The following TRERF1 variants were observed in gnomAD, a reference collection of about 807,000 sequenced individuals.
TRERF1 encodes the protein transcriptional-regulating factor 1.
A neutral mutation model predicts 122.9 loss-of-function variants in TRERF1; 27 were observed. That is an observed-to-expected ratio of 0.22 (90% confidence interval 0.16 to 0.30). TRERF1 has a LOEUF of 0.30. Among genes scored for constraint, TRERF1 ranks in the 10% least tolerant of loss-of-function variants. The pLI, the probability that TRERF1 is intolerant of heterozygous loss-of-function variation, is 1.00. For missense variants in TRERF1, 1,248 were observed against 1,560.3 expected, an observed-to-expected ratio of 0.80 and a Z score of 3.37; for synonymous variants, 636 against 641.7, an observed-to-expected ratio of 0.99 and a Z score of 0.13.
intron 3 of TRERF1, among the ~76,000 whole-genome samples, chr6:42,340,271 G>A (rs1193662430): frequency 6.6e-6 from 1 of 152,146 alleles, no homozygotes; most frequent in African/African-American, 2.4e-5. Flanking sequence ...CATAAGGAGT[G>A]TGGAGTGACA....
intron 2 of TRERF1, among the ~76,000 whole-genome samples, chr6:42,402,867 C>A (rs775718249): frequency 2.4e-4 from 36 of 152,016 alleles, no homozygotes; most frequent in Non-Finnish European, 4.1e-4. Flanking sequence ...AAAACTGACG[C>A]TAGGAGAGGT....
Position 42,232,789 on chromosome 6 carries a change from G to C in TRERF1, c.3170C>G (p.Pro1057Arg). 6.2e-7 allele frequency: 1 copy of C among 1,613,452 alleles called. No homozygotes were observed. Reference sequence around the variant, plus strand: ...ACAGTACCCACTCTGGGTGCCACCAGGCTTCTGCTTCCCAGAGGGGATGGC... The same window carrying C: ...ACAGTACCCACTCTGGGTGCCACCACGCTTCTGCTTCCCAGAGGGGATGGC... The change falls in exon 17 of 18, where the codon CCT (proline) becomes CGT (arginine). Residue 1057 changes from proline to arginine, a missense_variant. By Grantham distance (103) the Pro-to-Arg change is moderately radical (BLOSUM62 -2). Coordinates refer to ENST00000372922, the Ensembl canonical transcript of TRERF1. The surrounding 1 kb of genome is among the most constrained non-coding windows in gnomAD (Gnocchi z 4.5).
At chr6:42,279,899 T>G (rs73733143) in intron 4 of TRERF1, among the ~76,000 whole-genome samples, 2,124 of 152,134 alleles carry the variant, frequency 0.014, 45 homozygotes, top group African/African-American at 0.047. Flanking sequence ...GGACAACCAC[T>G]CCCCTTTTTT....
At chr6:42,424,785 T>C (rs1230270793) in intron 2 of TRERF1, among the ~76,000 whole-genome samples, 1 of 152,246 alleles carries the variant, frequency 6.6e-6, no homozygotes, top group African/African-American at 2.4e-5. Flanking sequence ...TGTCTCATCA[T>C]AAAAAGAGAT....
chr6:42,334,909 C>T (rs2150619207), intron 3 of TRERF1, among the ~76,000 whole-genome samples: 1 of 152,358 alleles, frequency 6.6e-6, no homozygotes, highest in South Asian at 2.1e-4. Flanking sequence ...TCCTGGCTCA[C>T]TGAGCTTCAT....
At chr6:42,402,993 G>A (rs1004863508) in intron 2 of TRERF1, among the ~76,000 whole-genome samples, 2 of 152,128 alleles carry the variant, frequency 1.3e-5, no homozygotes, top group African/African-American at 2.4e-5. Flanking sequence ...AAAGAGAGAG[G>A]AGCGAGGTCC....
intron 3 of TRERF1, among the ~76,000 whole-genome samples, chr6:42,321,971 T>C (rs937718898): frequency 7.2e-5 from 11 of 152,206 alleles, no homozygotes; most frequent in Non-Finnish European, 1.6e-4. Context: ...AAAGACTGAA[T>C]GGCAGCTACA....
At chr6:42,443,251 T>C (rs1786853913) in intron 2 of TRERF1, among the ~76,000 whole-genome samples, 1 of 152,150 alleles carries the variant, frequency 6.6e-6, no homozygotes, top group African/African-American at 2.4e-5. Context: ...TACAAGAGAG[T>C]TCATTATACT....
intron 4 of TRERF1, among the ~76,000 whole-genome samples, chr6:42,298,518 A>G (rs1389972050): frequency 1.3e-5 from 2 of 151,058 alleles, no homozygotes; most frequent in Admixed American, 1.3e-4. Flanking sequence ...TGAAAACGTA[A>G]AATAGGTTGA....
chr6:42,376,744 T>A (rs1393010094), intron 2 of TRERF1, among the ~76,000 whole-genome samples: 2 of 149,132 alleles, frequency 1.3e-5, no homozygotes, highest in East Asian at 4.0e-4. Flanking sequence ...GGTTTCACCA[T>A]GTTGGCCTGG....
chr6:42,335,730 C>T (rs567126495), intron 3 of TRERF1, among the ~76,000 whole-genome samples: 16 of 152,302 alleles, frequency 1.1e-4, no homozygotes, highest in African/African-American at 3.4e-4. Flanking sequence ...GCACCTGGTC[C>T]AACTCTAGCT....
intron 3 of TRERF1, among the ~76,000 whole-genome samples, chr6:42,354,071 G>C (rs140425139): frequency 4.1e-4 from 62 of 152,346 alleles, no homozygotes; most frequent in African/African-American, 1.4e-3. Context: ...GGGTCTCAGT[G>C]TAAGAGCTGG....
chr6:42,378,758 G>A (rs933180400), intron 2 of TRERF1, among the ~76,000 whole-genome samples: 3 of 152,166 alleles, frequency 2.0e-5, no homozygotes, highest in Non-Finnish European at 4.4e-5. Flanking sequence ...AAAGGGGCAG[G>A]ACCTAAACCT....
chr6:42,436,652 A>T (rs1785412794), intron 2 of TRERF1, among the ~76,000 whole-genome samples: 1 of 151,674 alleles, frequency 6.6e-6, no homozygotes, highest in African/African-American at 2.4e-5. Context: ...TAATCACTAG[A>T]CTTTACTGCC....
chr6:42,340,033 G>A (rs1047340249), intron 3 of TRERF1, among the ~76,000 whole-genome samples: 8 of 152,102 alleles, frequency 5.3e-5, no homozygotes, highest in African/African-American at 9.7e-5. Flanking sequence ...ATGGCACCAC[G>A]TCTTTCCACC....
chr6:42,338,536 A>C (rs1031486519), intron 3 of TRERF1, among the ~76,000 whole-genome samples: 1 of 152,228 alleles, frequency 6.6e-6, no homozygotes, highest in South Asian at 2.1e-4. Context: ...GAAATTAACA[A>C]GCACTCTCCT....
chr6:42,422,458 C>A (rs1426512258), intron 2 of TRERF1, among the ~76,000 whole-genome samples: 1 of 141,760 alleles, frequency 7.1e-6, no homozygotes, highest in East Asian at 2.1e-4. Context: ...GCGAAGGTTG[C>A]AGTGAGCCGA....
chr6:42,334,658 TG>T (rs1765824302), intron 3 of TRERF1, among the ~76,000 whole-genome samples: 1 of 152,184 alleles, frequency 6.6e-6, no homozygotes, highest in Non-Finnish European at 1.5e-5. Flanking sequence ...GAACATGGCA[TG>T]GCTCTGCTTA....
Position 42,246,546 on chromosome 6 carries a change from TACA to T in TRERF1, c.2657-5_2657-3del. ...CTAGGGAGGTCCACTTGTCCGAACC[TACA>T]ACAAAACACAAACATCATAAGAACA... On this transcript the variant is annotated splice_region_variant and splice_polypyrimidine_tract_variant and intron_variant, in intron 13 of 17. Transcript: ENST00000372922. 1 of 1,597,390 alleles carries T rather than the reference TACA, an allele frequency of 6.3e-7. No homozygotes were observed. The highest frequency in any genetic ancestry group is 8.5e-7 in the Non-Finnish European group (1 of 1,173,374).
Sources: allele counts gnomAD v4.1 joint callset (sites outside exome capture counted in the v4.1 genomes callset), GRCh38; gene constraint gnomAD v4.1.1; non-coding constraint Gnocchi (gnomAD v3.1); transcripts MANE v1.5; gene names NCBI Gene and HGNC (gene_info 2026-07-23, HGNC 2026-07-21).